Variants in REPS1 observed in about 807,000 individuals in gnomAD.
The protein encoded by REPS1 is ralBP1-associated Eps domain-containing protein 1.
REPS1 carries 39 observed loss-of-function variants against 100.9 expected under a neutral mutation model. The observed-to-expected ratio is 0.39, with a 90% CI of 0.30 to 0.50. The LOEUF (loss-of-function observed/expected upper bound fraction) is 0.50, where lower values mean the gene tolerates loss of function less well. REPS1 is among the 20% of genes least tolerant of loss of function. The probability of loss-of-function intolerance (pLI) is 0.86; values close to 1 mark genes in which losing one functional copy is unlikely to be tolerated. For missense variants in REPS1, 821 were observed against 968.5 expected (o/e 0.85, Z 2.02); for synonymous variants, 324 against 340.3 (o/e 0.95, Z 0.53).
chr6:138,964,642 TA>T (rs1783915702), intron 1 of REPS1, among the ~76,000 whole-genome samples: 1 of 151,870 alleles, frequency 6.6e-6, no homozygotes, highest in Non-Finnish European at 1.5e-5. Context: ...ATTTTAAAAA[TA>T]GACAAGAAAA....
intron 1 of REPS1, among the ~76,000 whole-genome samples, chr6:138,968,501 T>C (rs532139620): frequency 6.7e-6 from 1 of 149,288 alleles, no homozygotes; most frequent in African/African-American, 2.6e-5. Context: ...CTCCAAAGCC[T>C]GGTTTTTTTC....
chr6:138,926,263 A>T, intron 10 of REPS1, 138 bp downstream of exon 10: 1 of 580,910 alleles, frequency 1.7e-6, no homozygotes. Context: ...ACCATTAAGC[A>T]CACAAAAACC....
At chr6:138,914,953 T>C (rs756438681) in intron 14 of REPS1, 192 bp from the exon 15 acceptor site, 31 of 561,492 alleles carry the variant, frequency 5.5e-5, no homozygotes, top group Non-Finnish European at 8.7e-5. Context: ...TTTCATCAGA[T>C]CTCACTTTGC....
At chr6:138,952,987 G>A (rs950369745) in intron 1 of REPS1, among the ~76,000 whole-genome samples, 4 of 151,886 alleles carry the variant, frequency 2.6e-5, no homozygotes, top group African/African-American at 9.7e-5. Context: ...ACAGGCACGT[G>A]CCACCACACA....
intron 1 of REPS1, among the ~76,000 whole-genome samples, chr6:138,954,463 C>A (rs111422765): frequency 3.7e-5 from 5 of 134,886 alleles, no homozygotes; most frequent in African/African-American, 1.1e-4. Context: ...TTTTGGGCCA[C>A]ATATAAAATA....
chr6:138,945,174 G>C, intron 4 of REPS1, 45 bp downstream of exon 4: 1 of 1,518,428 alleles, frequency 6.6e-7, no homozygotes, highest in Non-Finnish European at 8.9e-7. Flanking sequence ...TGCAAGACCA[G>C]CCTGGGCAAC....
chr6:138,907,297 TAAA>T (rs1554282171), intron 19 of REPS1, 195 bp downstream of exon 19: 24 of 170,152 alleles, frequency 1.4e-4, no homozygotes, highest in Non-Finnish European at 2.0e-4. Flanking sequence ...CGTGTCTCTT[TAAA>T]AAAAAAAAAA....
intron 3 of REPS1, 32 bp downstream of exon 3, chr6:138,945,469 T>C: frequency 6.3e-7 from 1 of 1,584,218 alleles, no homozygotes; most frequent in Non-Finnish European, 8.6e-7. Context: ...GCACAGGGCA[T>C]CAACTGCTAA....
chr6:138,935,856 C>CGGGGGGGGGGGGGGGGGGGGG (rs1449985583), intron 8 of REPS1, among the ~76,000 whole-genome samples: 1 of 2,192 alleles, frequency 4.6e-4, no homozygotes, highest in African/African-American at 8.3e-4. Context: ...TCCATCTTGG[C>CGGGGGGGGGGGGGGGGGGGGG]GGGGGGGGGG....
At chr6:138,907,241 T>TG in intron 19 of REPS1, 1 of 288,106 alleles carries the variant, frequency 3.5e-6, no homozygotes, top group Non-Finnish European at 6.4e-6. Context: ...GAGGCTGAAG[T>TG]GGGAGGATAG....
At chr6:138,983,600 G>A (rs186350624) in intron 1 of REPS1, among the ~76,000 whole-genome samples, 30 of 152,232 alleles carry the variant, frequency 2.0e-4, no homozygotes, top group Non-Finnish European at 3.7e-4. Flanking sequence ...CTCCTTCCTC[G>A]TTTGGTTCTG....
chr6:138,956,086 T>C (rs895263811), intron 1 of REPS1, among the ~76,000 whole-genome samples: 4 of 152,190 alleles, frequency 2.6e-5, no homozygotes, highest in Non-Finnish European at 5.9e-5. Flanking sequence ...TAATTTCTGA[T>C]GGAAAGCCTT....
chr6:138,979,097 C>T (rs1445663531), intron 1 of REPS1, among the ~76,000 whole-genome samples: 2 of 145,254 alleles, frequency 1.4e-5, no homozygotes, highest in African/African-American at 5.2e-5. Context: ...AGGAGAATCG[C>T]TTCAACCCGG....
chr6:138,964,060 A>C (rs1182054374), intron 1 of REPS1, among the ~76,000 whole-genome samples: 1 of 152,074 alleles, frequency 6.6e-6, no homozygotes, highest in African/African-American at 2.4e-5. Flanking sequence ...CTTTCACTAC[A>C]TTTCTCATCT....
chr6:138,930,365 G>T (rs1168383638), intron 8 of REPS1, among the ~76,000 whole-genome samples: 1 of 152,044 alleles, frequency 6.6e-6, no homozygotes, highest in African/African-American at 2.4e-5. Context: ...TATTGCAATA[G>T]GTCACATGCT....
At chr6:138,956,876 T>C (rs923065189) in intron 1 of REPS1, among the ~76,000 whole-genome samples, 6 of 151,674 alleles carry the variant, frequency 4.0e-5, no homozygotes, top group African/African-American at 1.5e-4. Context: ...TGATAGATTT[T>C]AGAAAATACT....
chr6:138,913,564 T>A (rs1343773615), intron 15 of REPS1, among the ~76,000 whole-genome samples: 1 of 152,166 alleles, frequency 6.6e-6, no homozygotes, highest in African/African-American at 2.4e-5. Context: ...GAGAAGAGAA[T>A]AAGTAAATAA....
At chr6:138,960,675 G>A (rs995740930) in intron 1 of REPS1, among the ~76,000 whole-genome samples, 4 of 152,140 alleles carry the variant, frequency 2.6e-5, no homozygotes, top group Admixed American at 6.6e-5. Flanking sequence ...TGGAAAAGGA[G>A]TATTTAGATA....
At chr6:138,958,748 T>C (rs1783557796) in intron 1 of REPS1, among the ~76,000 whole-genome samples, 1 of 152,266 alleles carries the variant, frequency 6.6e-6, no homozygotes, top group South Asian at 2.1e-4. Flanking sequence ...TTTGTAATAA[T>C]CTGTGACTTT....
Sources: gnomAD v4.1 joint callset for allele counts (sites outside exome capture counted in the v4.1 genomes callset) on GRCh38, gnomAD v4.1.1 for gene constraint, MANE v1.5 for transcripts, NCBI Gene and HGNC (gene_info 2026-07-23, HGNC 2026-07-21) for gene names.